CD2AP: variants seen among roughly 807,000 people sequenced by gnomAD.
The protein encoded by CD2AP is CD2-associated protein.
CD2AP carries 46 observed loss-of-function variants against 85.1 expected under a neutral mutation model. That is an observed-to-expected ratio of 0.54 (90% confidence interval 0.43 to 0.69). The LOEUF (loss-of-function observed/expected upper bound fraction) is 0.69, where lower values mean the gene tolerates loss of function less well. Among genes scored for constraint, CD2AP ranks in the 30% least tolerant of loss-of-function variants. The pLI is 0.00. For missense variants in CD2AP, 769 were observed against 729.5 expected, an observed-to-expected ratio of 1.05 and a Z score of -0.62; for synonymous variants, 255 against 252.9, an observed-to-expected ratio of 1.01 and a Z score of -0.08.
At chr6:47,480,410 A>AT (rs1469793880) in intron 1 of CD2AP, among the ~76,000 whole-genome samples, 7 of 152,092 alleles carry the variant, frequency 4.6e-5, no homozygotes, top group African/African-American at 1.4e-4. Flanking sequence ...AAAATCTGAA[A>AT]TTTTTTTTGT....
At chr6:47,497,274 C>T (rs1765881462) in intron 1 of CD2AP, among the ~76,000 whole-genome samples, 1 of 147,954 alleles carries the variant, frequency 6.8e-6, no homozygotes, top group African/African-American at 2.5e-5. Context: ...TCCTTTTTTC[C>T]CTTCCTTTCC....
chr6:47,528,117 A>G (rs1314631237), intron 2 of CD2AP, among the ~76,000 whole-genome samples: 1 of 152,190 alleles, frequency 6.6e-6, no homozygotes, highest in Non-Finnish European at 1.5e-5. Flanking sequence ...TATCAGATGC[A>G]TGTACTGTAG....
At chr6:47,488,233 G>T (rs1002968028) in intron 1 of CD2AP, among the ~76,000 whole-genome samples, 2 of 152,016 alleles carry the variant, frequency 1.3e-5, no homozygotes, top group Non-Finnish European at 2.9e-5. Context: ...AATTTAACAT[G>T]TTAAACACAT....
intron 10 of CD2AP, among the ~76,000 whole-genome samples, 164 bp downstream of exon 10, chr6:47,581,064 C>T (rs983259494): frequency 6.6e-6 from 1 of 151,982 alleles, no homozygotes; most frequent in Non-Finnish European, 1.5e-5. Flanking sequence ...TAGTATCTGT[C>T]ATTTTTCTTA....
At chr6:47,542,558 A>G (rs1454947688) in intron 3 of CD2AP, among the ~76,000 whole-genome samples, 1 of 152,144 alleles carries the variant, frequency 6.6e-6, no homozygotes, top group Non-Finnish European at 1.5e-5. Context: ...GGAGGGTATT[A>G]GCTTAGGCCC....
intron 17 of CD2AP, among the ~76,000 whole-genome samples, chr6:47,615,107 C>G (rs1261357476): frequency 1.3e-5 from 2 of 152,132 alleles, no homozygotes; most frequent in Non-Finnish European, 2.9e-5. Context: ...ATTACTTACC[C>G]TATTTCTTTT....
chr6:47,497,007 A>G (rs1765872901), intron 1 of CD2AP, among the ~76,000 whole-genome samples: 1 of 152,094 alleles, frequency 6.6e-6, no homozygotes, highest in South Asian at 2.1e-4. Flanking sequence ...CTTTTTCGGA[A>G]TTATTATCCT....
At chr6:47,617,882 T>G (rs1333111907) in intron 17 of CD2AP, among the ~76,000 whole-genome samples, 2 of 152,228 alleles carry the variant, frequency 1.3e-5, no homozygotes, top group Non-Finnish European at 1.5e-5. Context: ...CTCTTACAAT[T>G]GATAAGTCCG....
At chr6:47,544,867 T>C in intron 4 of CD2AP, 161 bp downstream of exon 4, 1 of 558,118 alleles carries the variant, frequency 1.8e-6, no homozygotes, top group South Asian at 2.4e-5. Flanking sequence ...TATTTATATA[T>C]GTATTTGTAT....
intron 5 of CD2AP, among the ~76,000 whole-genome samples, chr6:47,568,468 G>A (rs536248282): frequency 2.0e-5 from 3 of 152,216 alleles, no homozygotes; most frequent in South Asian, 2.1e-4. Flanking sequence ...TAGGCTGGGC[G>A]CGGTGGCTTA....
intron 5 of CD2AP, chr6:47,563,098 A>G (rs1767904958): frequency 4.6e-6 from 1 of 219,252 alleles, no homozygotes. Context: ...TTTAGAATAA[A>G]CGTGACCAAA....
At chr6:47,548,513 A>G (rs1222026515) in intron 4 of CD2AP, among the ~76,000 whole-genome samples, 2 of 152,190 alleles carry the variant, frequency 1.3e-5, no homozygotes, top group African/African-American at 4.8e-5. Context: ...GAAGAATTAC[A>G]TATGCTGAAC....
At chr6:47,499,706 T>G (rs1404076627) in intron 1 of CD2AP, among the ~76,000 whole-genome samples, 1 of 152,144 alleles carries the variant, frequency 6.6e-6, no homozygotes, top group Non-Finnish European at 1.5e-5. Context: ...AACTGGGAAC[T>G]CTGTTTATGT....
At chr6:47,591,289 T>C (rs1768785872) in intron 11 of CD2AP, among the ~76,000 whole-genome samples, 1 of 152,190 alleles carries the variant, frequency 6.6e-6, no homozygotes, top group African/African-American at 2.4e-5. Flanking sequence ...TTCAGAGATG[T>C]GGATCATGTT....
intron 5 of CD2AP, among the ~76,000 whole-genome samples, chr6:47,571,441 A>G (rs1418201046): frequency 6.6e-6 from 1 of 152,178 alleles, no homozygotes; most frequent in Admixed American, 6.5e-5. Context: ...GCCAGGAGCT[A>G]ATTTCTGAAC....
At chr6:47,494,189 G>T (rs934045472) in intron 1 of CD2AP, among the ~76,000 whole-genome samples, 3 of 152,104 alleles carry the variant, frequency 2.0e-5, no homozygotes, top group African/African-American at 4.8e-5. Context: ...TTAGTGTGAG[G>T]ATTTATATTT....
At chr6:47,541,555 A>G (rs936927044) in intron 3 of CD2AP, among the ~76,000 whole-genome samples, 1 of 152,234 alleles carries the variant, frequency 6.6e-6, no homozygotes, top group Non-Finnish European at 1.5e-5. Flanking sequence ...CAATTATTTT[A>G]TCTACTTGAT....
intron 1 of CD2AP, among the ~76,000 whole-genome samples, chr6:47,498,359 G>C (rs1009960446): frequency 1.2e-4 from 19 of 152,164 alleles, no homozygotes; most frequent in Admixed American, 3.9e-4. Flanking sequence ...TTTCCTGTCA[G>C]AGAGCTTTCT....
chr6:47,503,916 T>C (rs1254099066), intron 2 of CD2AP, among the ~76,000 whole-genome samples: 2 of 152,252 alleles, frequency 1.3e-5, no homozygotes, highest in Non-Finnish European at 2.9e-5. Flanking sequence ...TCTGGGACAG[T>C]TGCCTCGCTG....
Sources: allele counts gnomAD v4.1 joint callset (sites outside exome capture counted in the v4.1 genomes callset), GRCh38; gene constraint gnomAD v4.1.1; transcripts MANE v1.5; gene names NCBI Gene and HGNC (gene_info 2026-07-23, HGNC 2026-07-21).